The following ZNF346 variants were observed in gnomAD, a reference collection of about 807,000 sequenced individuals.
The protein encoded by ZNF346 is zinc finger protein 346, also known as double-stranded RNA-binding zinc finger protein JAZ.
ZNF346 carries 23 observed loss-of-function variants against 33.7 expected under a neutral mutation model. The ratio of observed to expected loss-of-function variants is 0.68; its 90% CI spans 0.49 to 0.97. The LOEUF (loss-of-function observed/expected upper bound fraction) is 0.97. ZNF346 is among the 50% of genes least tolerant of loss of function. ZNF346 has a pLI of 0.00. For missense variants in ZNF346, 340 were observed against 371.1 expected, an observed-to-expected ratio of 0.92 and a Z score of 0.69; for synonymous variants, 134 against 142.4, an observed-to-expected ratio of 0.94 and a Z score of 0.42.
At chr5:177,046,607 G>T (rs1780079112) in intron 4 of ZNF346, among the ~76,000 whole-genome samples, 1 of 152,078 alleles carries the variant, frequency 6.6e-6, no homozygotes, top group South Asian at 2.1e-4. Context: ...TAATCATGTT[G>T]TAAGAGATAA....
chr5:177,075,867 A>C (rs1008237571), intron 8 of ZNF346, among the ~76,000 whole-genome samples: 3 of 151,952 alleles, frequency 2.0e-5, no homozygotes, highest in African/African-American at 7.3e-5. Context: ...TTGTACTTTT[A>C]ATAGATACAG....
intron 2 of ZNF346, among the ~76,000 whole-genome samples, 189 bp from the exon 3 acceptor site, chr5:177,041,589 A>G (rs1311846673): frequency 6.6e-6 from 1 of 152,230 alleles, no homozygotes; most frequent in African/African-American, 2.4e-5. Context: ...TAATTTTCTC[A>G]TAGATTGTGA....
chr5:177,053,189 G>A lies in ZNF346; in HGVS notation c.703+2253G>A, dbSNP rs1239248921. 2.0e-5 allele frequency among the ~76,000 whole-genome samples: 3 copies of A among 151,882 alleles called. No individual in the cohort carries two copies. The East Asian group carries it at 5.8e-4, about 29-fold the overall frequency. ...AAATTAGCTGGACGTGGTGACACAC[G>A]CCTATAGTCCCAGCTACTTAGGAGG... On this transcript the variant is annotated intron_variant, in intron 5 of 6. Coordinates refer to ENST00000358149, the MANE Select transcript of ZNF346 (RefSeq NM_012279.4).
intron 1 of ZNF346, among the ~76,000 whole-genome samples, chr5:177,026,960 G>C (rs1034511357): frequency 3.3e-5 from 5 of 152,068 alleles, no homozygotes; most frequent in African/African-American, 1.2e-4. Flanking sequence ...ATGAATCTTA[G>C]CTCAAAAAGG....
At chr5:177,037,882 T>C (rs1778732549) in intron 1 of ZNF346, among the ~76,000 whole-genome samples, 1 of 152,170 alleles carries the variant, frequency 6.6e-6, no homozygotes, top group East Asian at 1.9e-4. Flanking sequence ...CAACATCATC[T>C]ACTAGGCCTC....
chr5:177,064,811 G>A lies in ZNF346; in HGVS notation c.*212G>A, dbSNP rs1581968171. On this transcript the variant is annotated 3_prime_UTR_variant, in exon 7 of 7. Transcript: ENST00000358149. ...GGTCCTGTAGGTCATGACAGGGGAG[G>A]CAAGGGTATTGAGAGACTCGGGGTC... The A allele has an allele frequency of 1.0e-5, 6 of 573,082 alleles. No individual in the cohort carries two copies. In the South Asian group the frequency reaches 1.3e-4, roughly 13 times the overall value. 35.5% of individuals were successfully genotyped at this position (573,082 alleles called of 1,614,324 possible).
intron 1 of ZNF346, among the ~76,000 whole-genome samples, chr5:177,038,257 T>TG (rs66718950): frequency 1.9e-5 from 1 of 52,494 alleles, no homozygotes; most frequent in East Asian, 6.1e-4. Context: ...CCCAACTACG[T>TG]TTTTTTTTTT....
In ZNF346 at chr5:177,050,805, A is replaced by G. The variant is rs111663248; in HGVS notation, c.572A>G (p.His191Arg). The G allele has an allele frequency of 2.5e-6, 4 of 1,614,078 alleles. No homozygotes were observed. Among genetic ancestry groups the G allele is most frequent in the African/African-American group, 2.7e-5 (2 of 74,938 alleles). ...CCAGACAAGTTCTGCAGCCTCTGCC[A>G]TGCAACTTTCAACGACCCTGTCATG... ...IDPDKFCSLCHATFNDPVMAQ... is the reference protein window; with the variant it reads ...IDPDKFCSLCRATFNDPVMAQ... Residue 191 changes from histidine to arginine, a missense_variant, in exon 5 of 7, where the codon CAT (histidine) becomes CGT (arginine). By Grantham distance (29) the His-to-Arg change is conservative (BLOSUM62 0). Coordinates refer to ENST00000358149, the MANE Select transcript of ZNF346 (RefSeq NM_012279.4).
intron 3 of ZNF346, among the ~76,000 whole-genome samples, chr5:177,043,821 C>T (rs1008473100): frequency 3.3e-5 from 5 of 151,934 alleles, no homozygotes; most frequent in Non-Finnish European, 7.4e-5. Context: ...CTACTGTGTG[C>T]CAGACTCCAG....
At chr5:177,072,561 CAG>C (rs1783557852), downstream of ZNF346, among the ~76,000 whole-genome samples, 1 of 152,120 alleles carries the variant, frequency 6.6e-6, no homozygotes, top group Non-Finnish European at 1.5e-5. Flanking sequence ...TAAGCCAACA[CAG>C]AGGAGGCCGG....
At chr5:177,024,664 A>G (rs557043907) in intron 1 of ZNF346, among the ~76,000 whole-genome samples, 2 of 152,352 alleles carry the variant, frequency 1.3e-5, no homozygotes, top group Non-Finnish European at 2.9e-5. Context: ...CTTGCAGTCT[A>G]GTCCAGGAAG....
At chr5:177,026,145 C>T (rs763313400) in intron 1 of ZNF346, among the ~76,000 whole-genome samples, 2 of 151,842 alleles carry the variant, frequency 1.3e-5, no homozygotes, top group Non-Finnish European at 2.9e-5. Context: ...GCTGGGATTA[C>T]AGGTGTTCAC....
intron 1 of ZNF346, among the ~76,000 whole-genome samples, chr5:177,024,985 C>T (rs928542618): frequency 7.9e-5 from 12 of 152,210 alleles, no homozygotes; most frequent in African/African-American, 2.9e-4. Flanking sequence ...ATATACCATA[C>T]AAGTCACCCA....
intron 1 of ZNF346, among the ~76,000 whole-genome samples, chr5:177,038,430 A>G (rs1045699121): frequency 1.3e-5 from 2 of 150,662 alleles, no homozygotes; most frequent in African/African-American, 4.9e-5. Context: ...GGTCTTTACT[A>G]ACTCTCCTGC....
intron 6 of ZNF346, among the ~76,000 whole-genome samples, chr5:177,062,398 G>T (rs530760824): frequency 6.6e-5 from 10 of 152,260 alleles, no homozygotes; most frequent in African/African-American, 2.2e-4. Flanking sequence ...TCCTTGGTGG[G>T]ACCCTAAGAA....
intron 6 of ZNF346, among the ~76,000 whole-genome samples, chr5:177,064,267 G>A (rs59546972): frequency 0.14 from 21,430 of 152,138 alleles, 3,216 homozygotes; most frequent in African/African-American, 0.38. Flanking sequence ...AGCCACTTAA[G>A]CTTTCTGAAC....
exon 9 of ZNF346, chr5:177,079,713 G>A (rs1157481401): frequency 1.3e-5 from 2 of 152,182 alleles, no homozygotes; most frequent in African/African-American, 4.8e-5. Context: ...AGTACAGAAG[G>A]GCACGAGTTT....
intron 8 of ZNF346, among the ~76,000 whole-genome samples, chr5:177,078,692 A>T (rs937773077): frequency 2.0e-5 from 3 of 152,198 alleles, no homozygotes; most frequent in African/African-American, 7.2e-5. Context: ...CAGGCGGATC[A>T]CTTGAGGCCA....
At chr5:177,061,446 AAAAAG>A (rs747220181) in intron 5 of ZNF346, among the ~76,000 whole-genome samples, 48 of 152,246 alleles carry the variant, frequency 3.2e-4, no homozygotes, top group African/African-American at 6.5e-4. Context: ...TCCGTCTCAA[AAAAAG>A]AAAAGAAAAG....
Sources: gnomAD v4.1 joint callset for allele counts (sites outside exome capture counted in the v4.1 genomes callset) on GRCh38, gnomAD v4.1.1 for gene constraint, MANE v1.5 for transcripts, NCBI Gene and HGNC (gene_info 2026-07-23, HGNC 2026-07-21) for gene names.